C1orf21: variants seen among roughly 807,000 people sequenced by gnomAD.
C1orf21 encodes the protein uncharacterized protein C1orf21.
C1orf21 carries 3 observed loss-of-function variants against 18.7 expected under a neutral mutation model. That is an observed-to-expected ratio of 0.16 (90% CI 0.07 to 0.42). The LOEUF is 0.42. C1orf21 is among the 10% of genes least tolerant of loss of function. The pLI is 0.99. For synonymous variants in C1orf21, 41 were observed against 46.4 expected (o/e 0.88, Z 0.47); for missense variants, 104 against 143.6 (o/e 0.72, Z 1.41).
At chr1:184,439,310 G>A (rs890341176) in intron 1 of C1orf21, among the ~76,000 whole-genome samples, 2 of 151,808 alleles carry the variant, frequency 1.3e-5, no homozygotes, top group African/African-American at 2.4e-5. Context: ...TTTGGGTCCT[G>A]GCTCTGCCAC....
At chr1:184,397,087 A>G (rs1330092406) in intron 1 of C1orf21, among the ~76,000 whole-genome samples, 1 of 152,166 alleles carries the variant, frequency 6.6e-6, no homozygotes, top group African/African-American at 2.4e-5. Flanking sequence ...CAGAGGTGTG[A>G]TAGAAAAGGA....
intron 5 of C1orf21, among the ~76,000 whole-genome samples, chr1:184,606,888 CACTAA>C (rs1438660856): frequency 1.3e-5 from 2 of 152,202 alleles, no homozygotes; most frequent in African/African-American, 4.8e-5. Flanking sequence ...TTTCATCTCC[CACTAA>C]ACAGCACCCT....
At chr1:184,405,871 T>A (rs965990994) in intron 1 of C1orf21, among the ~76,000 whole-genome samples, 1 of 152,124 alleles carries the variant, frequency 6.6e-6, no homozygotes, top group Non-Finnish European at 1.5e-5. Context: ...CAAAATGAGG[T>A]CAGTGTAAGA....
intron 3 of C1orf21, among the ~76,000 whole-genome samples, chr1:184,511,251 G>A (rs1341214540): frequency 6.6e-6 from 1 of 152,140 alleles, no homozygotes; most frequent in African/African-American, 2.4e-5. Flanking sequence ...AATGTAATAA[G>A]TGCAGTAACA....
intron 3 of C1orf21, among the ~76,000 whole-genome samples, chr1:184,513,132 A>G (rs866636761): frequency 2.0e-5 from 3 of 152,202 alleles, no homozygotes; most frequent in Non-Finnish European, 4.4e-5. Flanking sequence ...ATTATCTTCC[A>G]TGAAACCAGT....
chr1:184,397,832 G>A (rs1656085468), intron 1 of C1orf21, among the ~76,000 whole-genome samples: 1 of 152,020 alleles, frequency 6.6e-6, no homozygotes, highest in Non-Finnish European at 1.5e-5. Flanking sequence ...ATTTGTAAGG[G>A]GATTAAAAAT....
intron 1 of C1orf21, among the ~76,000 whole-genome samples, chr1:184,460,682 CTTCTTT>C (rs1227661140): frequency 2.7e-5 from 3 of 110,618 alleles, no homozygotes; most frequent in Admixed American, 1.9e-4. Context: ...TCTTCTTCTT[CTTCTTT>C]CTTCTTTCTT....
chr1:184,606,182 T>C (rs1440006499), intron 5 of C1orf21, among the ~76,000 whole-genome samples: 2 of 152,256 alleles, frequency 1.3e-5, no homozygotes, highest in Non-Finnish European at 2.9e-5. Flanking sequence ...GTCAGTGGCA[T>C]GGATACAGCT....
At chr1:184,395,419 G>T (rs1268024410) in intron 1 of C1orf21, among the ~76,000 whole-genome samples, 1 of 152,032 alleles carries the variant, frequency 6.6e-6, no homozygotes, top group African/African-American at 2.4e-5. Context: ...AAATTCCTTT[G>T]TTGGCCAGGG....
chr1:184,431,363 T>C (rs188643625), intron 1 of C1orf21, among the ~76,000 whole-genome samples: 48 of 152,218 alleles, frequency 3.2e-4, no homozygotes, highest in South Asian at 1.0e-3. Context: ...AAACAGGCAA[T>C]GAGGGCAGGA....
chr1:184,427,933 T>G (rs1656667441), intron 1 of C1orf21, among the ~76,000 whole-genome samples: 1 of 152,166 alleles, frequency 6.6e-6, no homozygotes, highest in Non-Finnish European at 1.5e-5. Context: ...GGGCCTTATG[T>G]CCACTGGACT....
intron 1 of C1orf21, among the ~76,000 whole-genome samples, chr1:184,426,035 C>T (rs1283739565): frequency 2.6e-5 from 4 of 152,226 alleles, no homozygotes; most frequent in Non-Finnish European, 1.5e-5. Context: ...AGCAGCTCTG[C>T]CAGTTTCCCT....
intron 2 of C1orf21, among the ~76,000 whole-genome samples, chr1:184,491,142 G>A (rs1161178326): frequency 1.3e-5 from 2 of 152,026 alleles, no homozygotes; most frequent in South Asian, 2.1e-4. Context: ...AAAAAGTGCT[G>A]TATAAATAAT....
chr1:184,426,803 A>G (rs1380214231), intron 1 of C1orf21, among the ~76,000 whole-genome samples: 2 of 152,174 alleles, frequency 1.3e-5, no homozygotes, highest in Non-Finnish European at 2.9e-5. Context: ...TAACCAAGGC[A>G]TACTGGGTGC....
chr1:184,400,236 A>G (rs901319541), intron 1 of C1orf21, among the ~76,000 whole-genome samples: 3 of 152,048 alleles, frequency 2.0e-5, no homozygotes, highest in African/African-American at 2.4e-5. Context: ...TACTTTTTCT[A>G]CCCCAGATCT....
chr1:184,529,766 C>T (rs190334467), intron 3 of C1orf21, among the ~76,000 whole-genome samples: 3 of 152,232 alleles, frequency 2.0e-5, no homozygotes, highest in Admixed American at 2.0e-4. Context: ...AAGTGAGGAG[C>T]GGACCAGATT....
rs1284098139 is a variant in C1orf21 at position 184,627,071 on chromosome 1, A to T, written c.*7515A>T. ...ACCCGAGTCCTGCCAAAGAAAGGAG[A>T]TTTTTAAAAAGCACAGACAAATTGT... On this transcript the variant is annotated 3_prime_UTR_variant, in exon 6 of 6. Coordinates refer to ENST00000235307, the MANE Select transcript of C1orf21 (RefSeq NM_030806.4). The T allele has an allele frequency of 1.3e-5, 2 of 152,488 alleles. No homozygotes were observed. Among genetic ancestry groups the T allele is most frequent in the African/African-American group, 4.8e-5 (2 of 41,394 alleles). The allele number at this position is 152,488 out of a possible 1,614,324, so 9.4% of individuals were successfully genotyped here.
At chr1:184,518,343 A>C (rs940944392) in intron 3 of C1orf21, among the ~76,000 whole-genome samples, 1 of 152,190 alleles carries the variant, frequency 6.6e-6, no homozygotes, top group Non-Finnish European at 1.5e-5. Context: ...AACAAATTAT[A>C]ATGATTATTG....
chr1:184,549,087 A>G (rs1208278219), intron 3 of C1orf21, among the ~76,000 whole-genome samples: 1 of 152,184 alleles, frequency 6.6e-6, no homozygotes, highest in African/African-American at 2.4e-5. Flanking sequence ...TATAGGTTTT[A>G]CCAGACTGTC....
Sources: allele counts gnomAD v4.1 joint callset (sites outside exome capture counted in the v4.1 genomes callset), GRCh38; gene constraint gnomAD v4.1.1; transcripts MANE v1.5; gene names NCBI Gene and HGNC (gene_info 2026-07-23, HGNC 2026-07-21).